ARK2C: variants seen among roughly 807,000 people sequenced by gnomAD.
ARK2C encodes E3 ubiquitin-protein ligase ARK2C.
the ARK2C span, among the ~76,000 whole-genome samples, chr18:46,433,914 C>T: frequency 6.6e-6 from 1 of 152,188 alleles, no homozygotes; most frequent in African/African-American, 2.4e-5. Flanking sequence ...TTTATGACTG[C>T]CTGATTCTAA....
At chr18:46,342,853 T>G in the ARK2C span, among the ~76,000 whole-genome samples, 4 of 152,354 alleles carry the variant, frequency 2.6e-5, no homozygotes, top group East Asian at 7.7e-4. Flanking sequence ...TGTGATCATG[T>G]GAGTGAAATG....
chr18:46,412,849 T>C, the ARK2C span, among the ~76,000 whole-genome samples: 1 of 152,056 alleles, frequency 6.6e-6, no homozygotes, highest in Non-Finnish European at 1.5e-5. Context: ...TATCTTGTTA[T>C]AGATAAGGAC....
chr18:46,442,709 AT>A, the ARK2C span, among the ~76,000 whole-genome samples: 5 of 151,884 alleles, frequency 3.3e-5, no homozygotes, highest in African/African-American at 9.7e-5. Flanking sequence ...ATTCTTACTG[AT>A]TTTTTTTCAT....
At chr18:46,367,928 C>T in the ARK2C span, among the ~76,000 whole-genome samples, 7 of 152,302 alleles carry the variant, frequency 4.6e-5, no homozygotes, top group South Asian at 1.2e-3. Flanking sequence ...GATTCTGATG[C>T]CCAGTTACGG....
the ARK2C span, among the ~76,000 whole-genome samples, chr18:46,452,726 G>A: frequency 6.6e-6 from 1 of 152,112 alleles, no homozygotes; most frequent in Non-Finnish European, 1.5e-5. Flanking sequence ...GAATCTTAGA[G>A]CAGGACTGTC....
At chr18:46,409,843 G>A in the ARK2C span, among the ~76,000 whole-genome samples, 1 of 152,154 alleles carries the variant, frequency 6.6e-6, no homozygotes, top group Non-Finnish European at 1.5e-5. Flanking sequence ...AATAATGCAT[G>A]TTCTCCTATT....
At chr18:46,459,480 G>C in the ARK2C span, 1 of 152,322 alleles carries the variant, frequency 6.6e-6, no homozygotes, top group African/African-American at 2.4e-5. Context: ...CGTGCTGGGT[G>C]AGACAGTGGG....
chr18:46,404,411 C>T, the ARK2C span, among the ~76,000 whole-genome samples: 1 of 152,132 alleles, frequency 6.6e-6, no homozygotes, highest in African/African-American at 2.4e-5. Flanking sequence ...TCGTGTGGGA[C>T]ATGCAATGCA....
At chr18:46,354,520 T>G in the ARK2C span, among the ~76,000 whole-genome samples, 3 of 152,210 alleles carry the variant, frequency 2.0e-5, no homozygotes, top group African/African-American at 7.2e-5. Context: ...GAGGCCGAAC[T>G]TGAGAAACCT....
chr18:46,445,922 G>A, the ARK2C span, among the ~76,000 whole-genome samples: 1 of 148,584 alleles, frequency 6.7e-6, no homozygotes, highest in East Asian at 2.0e-4. Flanking sequence ...TTTCTCCAAT[G>A]TATTTGTTGA....
the ARK2C span, among the ~76,000 whole-genome samples, chr18:46,383,762 G>A: frequency 4.6e-5 from 7 of 151,674 alleles, no homozygotes; most frequent in South Asian, 6.3e-4. Context: ...CACCGTGTTG[G>A]CCAGGATGGT....
the ARK2C span, among the ~76,000 whole-genome samples, chr18:46,427,810 A>T: frequency 1.3e-5 from 2 of 152,232 alleles, no homozygotes; most frequent in Non-Finnish European, 2.9e-5. Flanking sequence ...AGCTCAAGGT[A>T]GCCACTGCCA....
chr18:46,393,542 A>T, the ARK2C span, among the ~76,000 whole-genome samples: 2 of 151,498 alleles, frequency 1.3e-5, no homozygotes, highest in Non-Finnish European at 2.9e-5. Flanking sequence ...CCACCACCCC[A>T]CCCCATCTAC....
the ARK2C span, among the ~76,000 whole-genome samples, chr18:46,396,188 C>T: frequency 6.6e-6 from 1 of 152,204 alleles, no homozygotes; most frequent in African/African-American, 2.4e-5. Context: ...AGTCACAAAG[C>T]CAGCCCACAT....
At chr18:46,386,769 C>G in the ARK2C span, 1 of 152,230 alleles carries the variant, frequency 6.6e-6, no homozygotes, top group East Asian at 1.9e-4. Flanking sequence ...AACTGGGGAG[C>G]TGGACATGCG....
chr18:46,443,659 C>A, the ARK2C span, among the ~76,000 whole-genome samples: 1 of 152,202 alleles, frequency 6.6e-6, no homozygotes, highest in Non-Finnish European at 1.5e-5. Flanking sequence ...GCTTTTACAC[C>A]TCAGTGGACA....
chr18:46,456,049 C>A, the ARK2C span: 1 of 1,611,808 alleles, frequency 6.2e-7, no homozygotes, highest in Non-Finnish European at 8.5e-7. Context: ...CACAATTTGT[C>A]TGTCTATGCT....
chr18:46,454,151 G>A, the ARK2C span, among the ~76,000 whole-genome samples: 2 of 148,648 alleles, frequency 1.3e-5, no homozygotes, highest in Non-Finnish European at 3.0e-5. Context: ...AAAAGGGAAG[G>A]TTAATGAAAC....
chr18:46,388,275 T>G, the ARK2C span, among the ~76,000 whole-genome samples: 1 of 152,192 alleles, frequency 6.6e-6, no homozygotes, highest in Admixed American at 6.5e-5. Context: ...TCATACAGTA[T>G]GCAAAAGACT....
Sources: gnomAD v4.1 joint callset for allele counts (sites outside exome capture counted in the v4.1 genomes callset) on GRCh38, gnomAD v4.1.1 for gene constraint, MANE v1.5 for transcripts, NCBI Gene and HGNC (gene_info 2026-07-23, HGNC 2026-07-21) for gene names.